JARID2: variants seen among roughly 807,000 people sequenced by gnomAD.
JARID2 encodes the protein protein Jumonji.
In JARID2, 21 loss-of-function variants were observed where a neutral mutation model predicts 125.6. That is an observed-to-expected ratio of 0.17 (90% CI 0.12 to 0.24). The LOEUF (loss-of-function observed/expected upper bound fraction) is 0.24, where lower values mean the gene tolerates loss of function less well. JARID2 is among the 10% of genes least tolerant of loss of function. The pLI is 1.00. For synonymous variants in JARID2, 736 were observed against 661.6 expected (o/e 1.11, Z -1.73); for missense variants, 1,303 against 1,639.6 (o/e 0.79, Z 3.55).
chr6:15,353,642 G>T (rs187039288), intron 1 of JARID2, among the ~76,000 whole-genome samples: 16 of 152,016 alleles, frequency 1.1e-4, no homozygotes, highest in Admixed American at 2.0e-4. Context: ...TTTTCCTGGT[G>T]GGAATTCCAT....
At chr6:15,372,233 A>G (rs1041658122) in intron 1 of JARID2, among the ~76,000 whole-genome samples, 1 of 152,122 alleles carries the variant, frequency 6.6e-6, no homozygotes, top group African/African-American at 2.4e-5. Flanking sequence ...GGAAAAACCA[A>G]TTCTTTTGTA....
intron 1 of JARID2, among the ~76,000 whole-genome samples, chr6:15,312,231 T>A (rs1561786035): frequency 1.3e-5 from 2 of 152,092 alleles, no homozygotes; most frequent in Admixed American, 6.5e-5. Flanking sequence ...ATTTTTGTAT[T>A]TTTAGTAGAG....
chr6:15,325,768 C>G (rs1405696252), intron 1 of JARID2, among the ~76,000 whole-genome samples: 1 of 152,174 alleles, frequency 6.6e-6, no homozygotes, highest in African/African-American at 2.4e-5. Flanking sequence ...ATGGTAAAAA[C>G]TGAGACATTA....
rs72836334 is a variant in JARID2 at position 15,450,678 on chromosome 6, T to A, written c.324-1328T>A. Among the ~76,000 whole-genome samples the A allele has an allele frequency of 5.3e-3, 804 of 152,348 alleles. 6 individuals carry two copies. The highest frequency in any genetic ancestry group is 8.5e-3 in the Non-Finnish European group (577 of 68,036). ...TGAACAGTTTAAAGTAGGGCCCAGTTTCTCATCCTTGCAAGTGCTCACTAT... is the reference window on the plus strand; with the variant it reads ...TGAACAGTTTAAAGTAGGGCCCAGTATCTCATCCTTGCAAGTGCTCACTAT... On this transcript the variant is annotated intron_variant, in intron 3 of 17. Coordinates refer to ENST00000341776, the MANE Select transcript of JARID2 (RefSeq NM_004973.4).
At chr6:15,379,310 T>G (rs1228537945) in intron 2 of JARID2, among the ~76,000 whole-genome samples, 3 of 152,184 alleles carry the variant, frequency 2.0e-5, no homozygotes, top group Non-Finnish European at 4.4e-5. Flanking sequence ...ATTTGCTGAT[T>G]GTGAGCCTTC....
At chr6:15,474,007 A>G (rs1021234100) in intron 5 of JARID2, among the ~76,000 whole-genome samples, 3 of 152,242 alleles carry the variant, frequency 2.0e-5, no homozygotes, top group Admixed American at 6.5e-5. Flanking sequence ...GTAGAAGAAC[A>G]CTGAGCTCTC....
chr6:15,452,765 A>C (rs1767979329), intron 4 of JARID2, among the ~76,000 whole-genome samples: 1 of 152,192 alleles, frequency 6.6e-6, no homozygotes, highest in African/African-American at 2.4e-5. Context: ...TATTTGTGAA[A>C]GTGTTTGTTG....
chr6:15,291,287 T>C (rs1472143086), intron 1 of JARID2, among the ~76,000 whole-genome samples: 1 of 152,184 alleles, frequency 6.6e-6, no homozygotes, highest in Non-Finnish European at 1.5e-5. Context: ...AAAACCATCT[T>C]GGTGAATGTG....
At chr6:15,291,104 T>C (rs946353682) in intron 1 of JARID2, among the ~76,000 whole-genome samples, 2 of 152,072 alleles carry the variant, frequency 1.3e-5, no homozygotes, top group African/African-American at 4.8e-5. Context: ...GCCGTGGCGG[T>C]GCATGCTTGT....
At chr6:15,258,212 A>G (rs1177892959) in intron 1 of JARID2, among the ~76,000 whole-genome samples, 5 of 152,124 alleles carry the variant, frequency 3.3e-5, no homozygotes, top group African/African-American at 1.2e-4. Flanking sequence ...ATGTTCTGAC[A>G]CTGTGTTGGG....
At chr6:15,406,481 A>G (rs961565486) in intron 2 of JARID2, among the ~76,000 whole-genome samples, 3 of 152,186 alleles carry the variant, frequency 2.0e-5, no homozygotes, top group African/African-American at 7.2e-5. Flanking sequence ...GTATAAAGGC[A>G]GTTCCTTATG....
chr6:15,488,642 C>T (rs1164178567), intron 6 of JARID2, among the ~76,000 whole-genome samples: 1 of 152,002 alleles, frequency 6.6e-6, no homozygotes, highest in African/African-American at 2.4e-5. Context: ...TTCTTGGTGA[C>T]GTTGTGGATA....
chr6:15,511,782 C>T (rs1307956435), intron 13 of JARID2, among the ~76,000 whole-genome samples: 1 of 152,192 alleles, frequency 6.6e-6, no homozygotes, highest in African/African-American at 2.4e-5. Context: ...GAGCTGAGTT[C>T]TGACCAGCTT....
rs865882049 is a variant in JARID2, at chr6:15,371,589, T to C, written c.46-2528T>C. Reference sequence around the variant, plus strand: ...TTTCTTGCAAACCCAGGGGAGTTGCTGTAAAGATTAATTCAGCTATATCAT... The same window carrying C: ...TTTCTTGCAAACCCAGGGGAGTTGCCGTAAAGATTAATTCAGCTATATCAT... On this transcript the variant is annotated intron_variant, in intron 1 of 17. Coordinates refer to ENST00000341776, the MANE Select transcript of JARID2 (RefSeq NM_004973.4). 4.6e-5 allele frequency among the ~76,000 whole-genome samples: 7 copies of C among 152,340 alleles called. No individual in the cohort carries two copies. The East Asian group carries it at 7.7e-4, about 17-fold the overall frequency.
At chr6:15,419,564 C>T (rs1283556912) in intron 3 of JARID2, among the ~76,000 whole-genome samples, 2 of 152,080 alleles carry the variant, frequency 1.3e-5, no homozygotes, top group African/African-American at 4.8e-5. Flanking sequence ...TCTCATTTCA[C>T]CCACATTAAA....
intron 4 of JARID2, among the ~76,000 whole-genome samples, chr6:15,454,589 T>A (rs1302959664): frequency 6.6e-6 from 1 of 151,964 alleles, no homozygotes; most frequent in Non-Finnish European, 1.5e-5. Context: ...GCCATCCTTC[T>A]GCCTCAACCT....
intron 1 of JARID2, among the ~76,000 whole-genome samples, chr6:15,372,318 C>T (rs993731690): frequency 1.3e-5 from 2 of 152,028 alleles, no homozygotes; most frequent in African/African-American, 4.8e-5. Flanking sequence ...CCTGAATATC[C>T]AAAATACCCC....
intron 3 of JARID2, among the ~76,000 whole-genome samples, chr6:15,414,140 G>T (rs1357544239): frequency 1.3e-5 from 2 of 152,164 alleles, no homozygotes. Flanking sequence ...GAAAGGGGAA[G>T]ACTGAGAGGG....
At chr6:15,286,314 G>A (rs1038062189) in intron 1 of JARID2, among the ~76,000 whole-genome samples, 1 of 150,050 alleles carries the variant, frequency 6.7e-6, no homozygotes, top group African/African-American at 2.5e-5. Context: ...GTGCAGTGGT[G>A]TGATCTCGGC....
Sources: gnomAD v4.1 joint callset for allele counts (sites outside exome capture counted in the v4.1 genomes callset) on GRCh38, gnomAD v4.1.1 for gene constraint, MANE v1.5 for transcripts, NCBI Gene and HGNC (gene_info 2026-07-23, HGNC 2026-07-21) for gene names.